Variants in GPM6B observed in about 807,000 individuals in gnomAD.
GPM6B encodes glycoprotein M6B, also known as neuronal membrane glycoprotein M6-b.
In GPM6B, 4 loss-of-function variants were observed where a neutral mutation model predicts 27.2. That is an observed-to-expected ratio of 0.15 (90% CI 0.07 to 0.34). GPM6B has a LOEUF of 0.34. Among genes scored for constraint, GPM6B ranks in the 10% least tolerant of loss-of-function variants. The pLI, the probability that GPM6B is intolerant of heterozygous loss-of-function variation, is 1.00. For missense variants in GPM6B, 183 were observed against 261.9 expected (o/e 0.70, Z 2.08); for synonymous variants, 124 against 103.1 (o/e 1.20, Z -1.23).
intron 1 of GPM6B, among the ~76,000 whole-genome samples, chrX:13,845,066 G>A (rs5979981): frequency 0.24 from 24,830 of 104,257 alleles, 2,425 homozygotes; most frequent in South Asian, 0.44. Context: ...CTTGGCTCAC[G>A]GCAACCTCCA....
At chrX:13,785,597 T>A in intron 3 of GPM6B, 25 bp downstream of exon 3, 1 of 1,200,086 alleles carries the variant, frequency 8.3e-7, no homozygotes, top group Non-Finnish European at 1.1e-6. Context: ...CTTAGATGCA[T>A]TTTTAAAGGG....
intron 1 of GPM6B, among the ~76,000 whole-genome samples, chrX:13,931,436 C>T (rs6633436): frequency 0.38 from 39,940 of 105,124 alleles, 6,036 homozygotes; most frequent in Non-Finnish European, 0.46. Flanking sequence ...TGCAGTGAGC[C>T]GAGATCGCAC....
At chrX:13,927,995 C>T (rs1198730280) in intron 1 of GPM6B, among the ~76,000 whole-genome samples, 1 of 112,053 alleles carries the variant, frequency 8.9e-6, no homozygotes, top group Non-Finnish European at 1.9e-5. Flanking sequence ...CACACGAAAG[C>T]ATTTAATAAA....
At chrX:13,866,385 T>G (rs1353757310) in intron 1 of GPM6B, among the ~76,000 whole-genome samples, 2 of 112,023 alleles carry the variant, frequency 1.8e-5, no homozygotes, top group Non-Finnish European at 3.8e-5. Flanking sequence ...AAGAGGTCAC[T>G]CAATGGGTAC....
intron 1 of GPM6B, among the ~76,000 whole-genome samples, chrX:13,833,299 T>C (rs191975823): frequency 4.5e-5 from 5 of 111,858 alleles, no homozygotes; most frequent in Non-Finnish European, 9.4e-5. Flanking sequence ...TATTTTTAGA[T>C]AGGATTACTA....
intron 1 of GPM6B, among the ~76,000 whole-genome samples, chrX:13,845,073 T>A (rs1380342900): frequency 2.8e-5 from 3 of 105,990 alleles, no homozygotes; most frequent in African/African-American, 6.9e-5. Context: ...CACGGCAACC[T>A]CCATCTCCTG....
At position 13,835,081 on chromosome X, in the gene GPM6B, T is replaced by A. The variant is rs766792120; in HGVS notation, c.-197-49273A>T. On this transcript the variant is annotated intron_variant, in intron 1 of 6. Transcript: ENST00000398361. ...TCCCTGTGTGTGGGGGTGGTGCCAC[T>A]GTCATGGCAGCTAGAACCACAGAGC... 3.6e-5 allele frequency among the ~76,000 whole-genome samples: 4 copies of A among 112,136 alleles called. No individual in the cohort carries two copies. The East Asian group carries it at 1.1e-3, about 31-fold the overall frequency.
intron 1 of GPM6B, among the ~76,000 whole-genome samples, chrX:13,911,186 G>A (rs2050376015): frequency 8.9e-6 from 1 of 112,083 alleles, no homozygotes; most frequent in Non-Finnish European, 1.9e-5. Context: ...TAGTATATCC[G>A]ATCTTCATGT....
intron 1 of GPM6B, among the ~76,000 whole-genome samples, chrX:13,896,139 T>C (rs1328953049): frequency 2.0e-5 from 2 of 98,908 alleles, no homozygotes; most frequent in East Asian, 3.4e-4. Context: ...TGGGTGAGTG[T>C]AGTGTCATAA....
upstream of GPM6B, among the ~76,000 whole-genome samples, chrX:13,819,541 A>G (rs1415859058): frequency 8.9e-6 from 1 of 112,400 alleles, no homozygotes; most frequent in Non-Finnish European, 1.9e-5. Context: ...AACAGATTAG[A>G]ATAAACATAT....
chrX:13,786,403 C>T (rs1051027098), intron 2 of GPM6B, among the ~76,000 whole-genome samples: 4 of 112,001 alleles, frequency 3.6e-5, no homozygotes, highest in Non-Finnish European at 7.5e-5. Flanking sequence ...GGAAAGGTCA[C>T]AGGTATTTTG....
At chrX:13,921,857 G>A (rs1043570145) in intron 1 of GPM6B, among the ~76,000 whole-genome samples, 2 of 111,915 alleles carry the variant, frequency 1.8e-5, no homozygotes, top group African/African-American at 3.2e-5. Flanking sequence ...GACTACAGGC[G>A]TGAGCCACCG....
At chrX:13,878,095 G>C (rs922201195) in intron 1 of GPM6B, among the ~76,000 whole-genome samples, 1 of 109,608 alleles carries the variant, frequency 9.1e-6, no homozygotes, top group East Asian at 2.8e-4. Flanking sequence ...GATTTGACGA[G>C]GTCAGAAGTA....
intron 1 of GPM6B, among the ~76,000 whole-genome samples, chrX:13,864,532 G>A (rs941475408): frequency 3.5e-5 from 4 of 112,963 alleles, no homozygotes; most frequent in South Asian, 3.6e-4. Context: ...TATTGCAAAC[G>A]TTCCAAAAAT....
In GPM6B at chrX:13,903,147, G is replaced by A. The variant is rs12014571; in HGVS notation, c.-198+35180C>T. Among the ~76,000 whole-genome samples the A allele has an allele frequency of 6.8e-3, 761 of 112,139 alleles. 6 individuals are homozygous for A. Among genetic ancestry groups the A allele is most frequent in the African/African-American group, 0.023 (699 of 30,851 alleles). On this transcript the variant is annotated intron_variant, in intron 1 of 6. Transcript: ENST00000398361. The stretch of plus-strand genomic sequence containing the variant: ...TTCTCCTGGTCCACCACAGCCCACT[G>A]TGATTCTGCAAGGTGAGAGCACCTT...
At chrX:13,799,395 TATTATTA>T (rs1319781869) in intron 2 of GPM6B, among the ~76,000 whole-genome samples, 4 of 88,164 alleles carry the variant, frequency 4.5e-5, no homozygotes, top group African/African-American at 1.7e-4. Flanking sequence ...GTATTATTAT[TATTATTA>T]TTTTTTTTTT....
At chrX:13,806,939 G>A (rs896941555) in intron 2 of GPM6B, among the ~76,000 whole-genome samples, 2 of 111,789 alleles carry the variant, frequency 1.8e-5, no homozygotes, top group African/African-American at 6.5e-5. Context: ...ACTTGTGTTG[G>A]TTTTGGGAAC....
intron 1 of GPM6B, among the ~76,000 whole-genome samples, chrX:13,914,563 G>C (rs142309539): frequency 3.4e-3 from 380 of 112,707 alleles, no homozygotes; most frequent in African/African-American, 0.012. Flanking sequence ...GAGTATGATA[G>C]AATAAGACAG....
chrX:13,776,823 G>A (rs984303812), intron 6 of GPM6B, among the ~76,000 whole-genome samples: 2 of 111,990 alleles, frequency 1.8e-5, no homozygotes, highest in Admixed American at 9.4e-5. Context: ...AAATTGTTAG[G>A]ACACACTCCC....
Sources: gnomAD v4.1 joint callset for allele counts (sites outside exome capture counted in the v4.1 genomes callset) on GRCh38, gnomAD v4.1.1 for gene constraint, MANE v1.5 for transcripts, NCBI Gene and HGNC (gene_info 2026-07-23, HGNC 2026-07-21) for gene names.